The following FAT3 variants were observed in gnomAD, a reference collection of about 807,000 sequenced individuals.
FAT3 encodes protocadherin Fat 3.
A neutral mutation model predicts 310.2 loss-of-function variants in FAT3; 95 were observed. The ratio of observed to expected loss-of-function variants is 0.31; its 90% CI spans 0.26 to 0.36. The LOEUF (loss-of-function observed/expected upper bound fraction) is 0.36, where lower values mean the gene tolerates loss of function less well. Ranked by LOEUF, FAT3 falls within the 10% of genes least tolerant of loss-of-function variation. The pLI is 1.00. For missense variants in FAT3, 5,408 were observed against 5,715.6 expected, an observed-to-expected ratio of 0.95 and a Z score of 1.74; for synonymous variants, 2,314 against 2,192.9, an observed-to-expected ratio of 1.06 and a Z score of -1.54.
At chr11:92,532,677 G>C (rs1338556361) in intron 3 of FAT3, among the ~76,000 whole-genome samples, 2 of 152,154 alleles carry the variant, frequency 1.3e-5, no homozygotes, top group African/African-American at 4.8e-5. Context: ...TCTCCTCAGA[G>C]CCCATTTTGA....
At chr11:92,876,395 G>GA (rs1159939619) in intron 22 of FAT3, among the ~76,000 whole-genome samples, 1 of 152,052 alleles carries the variant, frequency 6.6e-6, no homozygotes, top group Non-Finnish European at 1.5e-5. Flanking sequence ...TTCCCAAAAT[G>GA]AAAAAAATAA....
At chr11:92,589,326 GAA>G (rs1939311521) in intron 3 of FAT3, among the ~76,000 whole-genome samples, 1 of 152,042 alleles carries the variant, frequency 6.6e-6, no homozygotes, top group Non-Finnish European at 1.5e-5. Context: ...CATGAAAGAA[GAA>G]AACAGATATG....
intron 13 of FAT3, among the ~76,000 whole-genome samples, chr11:92,822,536 G>A (rs1348537011): frequency 2.0e-5 from 3 of 152,150 alleles, no homozygotes; most frequent in Admixed American, 1.3e-4. Flanking sequence ...CTTTGCTGCA[G>A]GATACATCCT....
At position 92,890,949 on chromosome 11, in the gene FAT3, C is replaced by G. The variant is rs1490391681; in HGVS notation, c.13606C>G (p.Leu4536Val). ...CACAGGCCCAGCAGACAGCGTGTCTCTGTCCTTGCACAATTCCAGAGGCAC... is the reference window on the plus strand; with the variant it reads ...CACAGGCCCAGCAGACAGCGTGTCTGTGTCCTTGCACAATTCCAGAGGCAC... Reference protein sequence around the residue: ...EPTGPADSVSLSLHNSRGTSS... With the variant: ...EPTGPADSVSVSLHNSRGTSS... The change falls in exon 28 of 28, where the codon CTG (leucine) becomes GTG (valine). Residue 4536 changes from leucine to valine, a missense_variant. Leu to Val is a conservative substitution (Grantham distance 32, BLOSUM62 1). Coordinates refer to ENST00000525166, the MANE Select transcript of FAT3 (RefSeq NM_001367949.2). 1 of 1,614,000 alleles carries G rather than the reference C, an allele frequency of 6.2e-7. No individual in the cohort carries two copies. The highest frequency in any genetic ancestry group is 2.2e-5 in the East Asian group (1 of 44,888).
At chr11:92,573,784 A>G (rs184584480) in intron 3 of FAT3, among the ~76,000 whole-genome samples, 2 of 152,212 alleles carry the variant, frequency 1.3e-5, no homozygotes, top group East Asian at 3.9e-4. Context: ...GAGCCTCCAG[A>G]GTGAACCAAA....
chr11:92,382,082 G>A (rs183222115), intron 2 of FAT3, among the ~76,000 whole-genome samples: 212 of 152,234 alleles, frequency 1.4e-3, no homozygotes, highest in Non-Finnish European at 2.6e-3. Flanking sequence ...TATTATGTTA[G>A]GAGAGAGAGA....
chr11:92,354,989 G>C lies in FAT3; in HGVS notation c.2877G>C (p.Glu959Asp). The C allele has an allele frequency of 6.2e-7, 1 of 1,613,864 alleles. No homozygotes were observed. Among genetic ancestry groups the C allele is most frequent in the African/African-American group, 1.3e-5 (1 of 75,040 alleles). The part of the protein sequence containing the change: ...LPVGTVIAWL[E>D]THDPDLGLGG... Reference sequence around the variant, plus strand: ...TTGGCACTGTCATTGCTTGGCTTGAGACCCATGATCCAGATCTTGGACTGG... The same window carrying C: ...TTGGCACTGTCATTGCTTGGCTTGACACCCATGATCCAGATCTTGGACTGG... Residue 959 changes from glutamate (E) to aspartate (D), a missense_variant, in exon 2 of 28, where the codon GAG becomes GAC. Coordinates refer to ENST00000525166, the MANE Select transcript of FAT3 (RefSeq NM_001367949.2).
intron 1 of FAT3, among the ~76,000 whole-genome samples, chr11:92,249,724 A>G (rs939879455): frequency 2.6e-5 from 4 of 152,110 alleles, no homozygotes; most frequent in African/African-American, 9.7e-5. Flanking sequence ...ATAGATTTCA[A>G]TACAGTGCAA....
intron 2 of FAT3, among the ~76,000 whole-genome samples, chr11:92,459,960 C>CAA (rs996194633): frequency 6.9e-6 from 1 of 145,278 alleles, no homozygotes; most frequent in Non-Finnish European, 1.5e-5. Flanking sequence ...GTGTATGGCA[C>CAA]AAAAAAAAAA....
At chr11:92,359,602 T>A (rs569687875) in intron 2 of FAT3, among the ~76,000 whole-genome samples, 9,405 of 148,028 alleles carry the variant, frequency 0.064, 1,004 homozygotes, top group African/African-American at 0.22. Flanking sequence ...TAGCCTTAGG[T>A]ATATCTCCCA....
chr11:92,527,618 A>C (rs188792065), intron 3 of FAT3, among the ~76,000 whole-genome samples: 3 of 152,306 alleles, frequency 2.0e-5, no homozygotes. Flanking sequence ...CAGAACTCCA[A>C]GTCTGGTGAA....
intron 4 of FAT3, among the ~76,000 whole-genome samples, chr11:92,729,453 G>A (rs1253992196): frequency 1.4e-5 from 2 of 143,574 alleles, no homozygotes; most frequent in East Asian, 2.1e-4. Flanking sequence ...TTGAGATGGA[G>A]TCTCGCTCTG....
intron 2 of FAT3, among the ~76,000 whole-genome samples, chr11:92,397,267 C>A (rs573217147): frequency 6.6e-6 from 1 of 151,924 alleles, no homozygotes; most frequent in South Asian, 2.1e-4. Context: ...GTACATTTGC[C>A]CAGATGTTAA....
intron 21 of FAT3, among the ~76,000 whole-genome samples, chr11:92,863,978 G>A (rs146527996): frequency 5.4e-4 from 82 of 152,296 alleles, no homozygotes; most frequent in African/African-American, 1.9e-3. Context: ...TTTGTAAAAG[G>A]CTAAGAATCG....
Position 92,657,364 on chromosome 11 carries a change from A to T in FAT3, c.3608-40020A>T, listed in dbSNP as rs144512140. ...AGTCATTTCATGCTTCCTGGGCAATAATTTTGCTGGCAGAAGTTCAGTCAA... is the reference window on the plus strand; with the variant it reads ...AGTCATTTCATGCTTCCTGGGCAATTATTTTGCTGGCAGAAGTTCAGTCAA... On this transcript the variant is annotated intron_variant, in intron 3 of 27. Coordinates refer to ENST00000525166, the MANE Select transcript of FAT3 (RefSeq NM_001367949.2). Among the ~76,000 whole-genome samples, 581 of 152,304 alleles carry T rather than the reference A, an allele frequency of 3.8e-3. 1 individual carries two copies. Among genetic ancestry groups the T allele is most frequent in the Non-Finnish European group, 6.7e-3 (453 of 68,030 alleles).
At chr11:92,541,134 A>G (rs935223091) in intron 3 of FAT3, among the ~76,000 whole-genome samples, 3 of 152,176 alleles carry the variant, frequency 2.0e-5, no homozygotes, top group Non-Finnish European at 4.4e-5. Context: ...AGTGTTATTT[A>G]TTGAACACCT....
intron 1 of FAT3, among the ~76,000 whole-genome samples, chr11:92,315,537 A>AGT (rs1947434189): frequency 4.9e-5 from 7 of 141,606 alleles, no homozygotes; most frequent in African/African-American, 1.7e-4. Context: ...AGAGAGAGAG[A>AGT]GAGAGAGAGA....
At chr11:92,719,395 G>T (rs537220107) in intron 4 of FAT3, among the ~76,000 whole-genome samples, 1 of 151,774 alleles carries the variant, frequency 6.6e-6, no homozygotes, top group Non-Finnish European at 1.5e-5. Context: ...CTCAATATCC[G>T]TGGAGGATTG....
At chr11:92,428,512 G>C (rs1249965187) in intron 2 of FAT3, among the ~76,000 whole-genome samples, 2 of 152,040 alleles carry the variant, frequency 1.3e-5, no homozygotes, top group Non-Finnish European at 2.9e-5. Context: ...TTTCTCCTGT[G>C]GGCATTTAGT....
Sources: gnomAD v4.1 joint callset for allele counts (sites outside exome capture counted in the v4.1 genomes callset) on GRCh38, gnomAD v4.1.1 for gene constraint, MANE v1.5 for transcripts, NCBI Gene and HGNC (gene_info 2026-07-23, HGNC 2026-07-21) for gene names.